GLB1L2: variants seen among roughly 807,000 people sequenced by gnomAD.
The protein encoded by GLB1L2 is galactosidase beta 1 like 2.
GLB1L2 carries 68 observed loss-of-function variants against 84.1 expected under a neutral mutation model. The ratio of observed to expected loss-of-function variants is 0.81; its 90% CI spans 0.67 to 0.99. GLB1L2 has a LOEUF of 0.99. GLB1L2 is among the 50% of genes least tolerant of loss of function. The pLI is 0.00. For missense variants in GLB1L2, 762 were observed against 805.6 expected, an observed-to-expected ratio of 0.95 and a Z score of 0.66; for synonymous variants, 290 against 318.0, an observed-to-expected ratio of 0.91 and a Z score of 0.94.
rs762577396 is a variant in GLB1L2 at position 134,367,216 on chromosome 11, T to C, written c.805-41T>C. 7 of 1,554,436 alleles carry C rather than the reference T, an allele frequency of 4.5e-6. No homozygotes were observed. The Admixed American group carries it at 1.0e-4, about 22-fold the overall frequency. On this transcript the variant is annotated intron_variant, in intron 8 of 18. Transcript: ENST00000535456. The stretch of plus-strand genomic sequence containing the variant: ...ATGAAGAGCTTCCCTCTTTTTTGTC[T>C]GGCCAGCCTGCTTGTCTAACTCTCA...
chr11:134,361,695 G>A (rs1943792153), intron 7 of GLB1L2, among the ~76,000 whole-genome samples: 2 of 152,198 alleles, frequency 1.3e-5, no homozygotes, highest in Admixed American at 1.3e-4. Flanking sequence ...GTCCGGTTCT[G>A]CCTGGGTCTG....
At chr11:134,365,300 C>T (rs1252658318) in intron 8 of GLB1L2, among the ~76,000 whole-genome samples, 1 of 152,226 alleles carries the variant, frequency 6.6e-6, no homozygotes, top group Non-Finnish European at 1.5e-5. Flanking sequence ...GGAGGGCTGG[C>T]CCCGCTCCCA....
intron 18 of GLB1L2, 93 bp from the exon 19 acceptor site, chr11:134,374,879 A>T: frequency 7.5e-7 from 1 of 1,341,878 alleles, no homozygotes; most frequent in African/African-American, 1.4e-5. Context: ...CTGGTTCCCA[A>T]ACCCTTTCCT....
intron 7 of GLB1L2, among the ~76,000 whole-genome samples, chr11:134,361,918 C>T (rs1415258203): frequency 6.6e-6 from 1 of 152,164 alleles, no homozygotes; most frequent in Non-Finnish European, 1.5e-5. Context: ...TCCTCCTCGC[C>T]CCCGGCCAAG....
chr11:134,357,573 G>T (rs1943721007), intron 6 of GLB1L2, among the ~76,000 whole-genome samples: 1 of 152,264 alleles, frequency 6.6e-6, no homozygotes, highest in African/African-American at 2.4e-5. Flanking sequence ...GGGCCTCTCA[G>T]CGGTTGTTGA....
chr11:134,332,020 A>G lies in GLB1L2; in HGVS notation c.-42A>G. ...GGCTCCCGCGCGCGGCTGAGTGCGG[A>G]CTGGAGTGGGAACCCGGGTCCCCGC... On this transcript the variant is annotated 5_prime_UTR_variant, in exon 1 of 19. Coordinates refer to ENST00000535456, the MANE Select transcript of GLB1L2 (RefSeq NM_001370461.1). 7.1e-7 allele frequency: 1 copy of G among 1,404,914 alleles called. No homozygotes were observed. The highest frequency in any genetic ancestry group is 2.7e-5 in the East Asian group (1 of 36,808). 87.0% of individuals were successfully genotyped at this position (1,404,914 alleles called of 1,614,324 possible). A position where few individuals can be genotyped will look rare whatever the true frequency, so the allele number is the denominator to read the frequency against.
chr11:134,362,901 C>A (rs1943815657), intron 7 of GLB1L2, among the ~76,000 whole-genome samples: 1 of 152,208 alleles, frequency 6.6e-6, no homozygotes, highest in South Asian at 2.1e-4. Context: ...CCCTTCCGCA[C>A]TCCTAGACCA....
chr11:134,374,023 T>C, intron 16 of GLB1L2, 122 bp from the exon 17 acceptor site: 1 of 794,386 alleles, frequency 1.3e-6, no homozygotes, highest in Non-Finnish European at 2.1e-6. Flanking sequence ...CCATTCTGTG[T>C]CCTGGTTAAG....
At chr11:134,342,649 C>T in intron 1 of GLB1L2, 105 bp from the exon 2 acceptor site, 1 of 1,154,196 alleles carries the variant, frequency 8.7e-7, no homozygotes, top group Non-Finnish European at 1.2e-6. Flanking sequence ...CACCTGGACG[C>T]AGGCGCCCTC....
intron 3 of GLB1L2, 112 bp from the exon 4 acceptor site, chr11:134,344,922 G>A (rs1306261872): frequency 1.6e-5 from 21 of 1,282,174 alleles, no homozygotes; most frequent in Middle Eastern, 2.7e-4. Context: ...GGGTGGGGCC[G>A]AGCCGTCCCT....
At chr11:134,348,153 C>T (rs577665686) in intron 5 of GLB1L2, among the ~76,000 whole-genome samples, 3 of 152,286 alleles carry the variant, frequency 2.0e-5, no homozygotes, top group East Asian at 3.9e-4. Context: ...ATGGAATACT[C>T]ACCACACACA....
chr11:134,342,431 G>GCCCGCCCCGC (rs577419143), intron 1 of GLB1L2, among the ~76,000 whole-genome samples: 3 of 151,898 alleles, frequency 2.0e-5, no homozygotes, highest in East Asian at 2.0e-4. Context: ...CCCGTGCGGC[G>GCCCGCCCCGC]CCCGCCCCGC....
intron 5 of GLB1L2, among the ~76,000 whole-genome samples, chr11:134,353,746 C>T (rs545703899): frequency 6.6e-6 from 1 of 152,062 alleles, no homozygotes; most frequent in African/African-American, 2.4e-5. Context: ...TTGTTATATC[C>T]TTTTGGTGAA....
intron 6 of GLB1L2, 33 bp downstream of exon 6, chr11:134,356,426 C>T: frequency 6.7e-7 from 1 of 1,498,406 alleles, no homozygotes; most frequent in Non-Finnish European, 9.3e-7. Flanking sequence ...TCTTTAGATT[C>T]CTTCCTCTGG....
chr11:134,363,068 G>A (rs1330299366), intron 7 of GLB1L2, among the ~76,000 whole-genome samples: 1 of 152,182 alleles, frequency 6.6e-6, no homozygotes, highest in Admixed American at 6.5e-5. Flanking sequence ...TTAGCCCTGT[G>A]CATCCTGCGG....
chr11:134,350,468 C>G (rs1484823537), intron 5 of GLB1L2, among the ~76,000 whole-genome samples: 2 of 152,250 alleles, frequency 1.3e-5, no homozygotes, highest in Non-Finnish European at 2.9e-5. Flanking sequence ...CACAGATCCT[C>G]TCTCCTCACC....
chr11:134,364,684 T>C, intron 8 of GLB1L2: 3 of 378,672 alleles, frequency 7.9e-6, no homozygotes, highest in South Asian at 1.2e-4. Flanking sequence ...CTCAACTAGC[T>C]CCAGACTTGC....
rs1943514106 is a variant in GLB1L2, at chr11:134,344,389, A to G, written c.287A>G (p.Tyr96Cys). ...TATAATTATCATTTCTGTTGCAGCT[A>G]TGTTCCGTGGAACCTGCATGAGCCA... ...KACGLNTLTT[Y>C]VPWNLHEPER... Residue 96 changes from tyrosine (Y) to cysteine (C), a missense_variant and splice_region_variant, in exon 3 of 19, where the codon TAT becomes TGT. Tyr to Cys is a radical substitution (Grantham distance 194). This residue lies in a region of GLB1L2 where 59 missense variants were observed against 105.1 expected (regional missense o/e 0.56). Coordinates refer to ENST00000535456, the MANE Select transcript of GLB1L2 (RefSeq NM_001370461.1). 8 of 1,613,868 alleles carry G rather than the reference A, an allele frequency of 5.0e-6. No individual in the cohort carries two copies. The highest frequency in any genetic ancestry group is 2.2e-5 in the East Asian group (1 of 44,886).
At chr11:134,345,474 C>T (rs933413583) in intron 4 of GLB1L2, among the ~76,000 whole-genome samples, 2 of 152,156 alleles carry the variant, frequency 1.3e-5, no homozygotes, top group African/African-American at 4.8e-5. Context: ...CCTTCCCTGT[C>T]TGTTTCTTTT....
Sources: allele counts gnomAD v4.1 joint callset (sites outside exome capture counted in the v4.1 genomes callset), GRCh38; gene constraint gnomAD v4.1.1; regional missense constraint gnomAD v4.1.1; transcripts MANE v1.5; gene names NCBI Gene and HGNC (gene_info 2026-07-23, HGNC 2026-07-21).